Variants in PTPRJ observed in about 807,000 individuals in gnomAD.
The protein encoded by PTPRJ is receptor-type tyrosine-protein phosphatase eta.
A neutral mutation model predicts 141.3 loss-of-function variants in PTPRJ; 129 were observed. That is an observed-to-expected ratio of 0.91 (90% CI 0.79 to 1.06). The LOEUF (loss-of-function observed/expected upper bound fraction) is 1.06. Among genes scored for constraint, PTPRJ ranks in the 50% least tolerant of loss-of-function variants. The probability of loss-of-function intolerance (pLI) is 0.00; values close to 1 mark genes in which losing one functional copy is unlikely to be tolerated. For missense variants in PTPRJ, 1,601 were observed against 1,679.7 expected, an observed-to-expected ratio of 0.95 and a Z score of 0.82; for synonymous variants, 610 against 640.5, an observed-to-expected ratio of 0.95 and a Z score of 0.72.
intron 8 of PTPRJ, among the ~76,000 whole-genome samples, chr11:48,134,729 A>G (rs1857048752): frequency 6.6e-6 from 1 of 152,176 alleles, no homozygotes; most frequent in South Asian, 2.1e-4. Flanking sequence ...AAATAGGCCC[A>G]GCCTCCGCGG....
intron 1 of PTPRJ, among the ~76,000 whole-genome samples, chr11:48,049,361 T>C (rs766009734): frequency 1.3e-4 from 20 of 150,862 alleles, no homozygotes; most frequent in Non-Finnish European, 2.7e-4. Flanking sequence ...TACGTGGAGA[T>C]GGAGAAAGGT....
intron 6 of PTPRJ, among the ~76,000 whole-genome samples, chr11:48,126,949 C>G (rs1856852008): frequency 6.6e-6 from 1 of 152,210 alleles, no homozygotes; most frequent in African/African-American, 2.4e-5. Flanking sequence ...AAAGCCACCT[C>G]TAGGGCTGAA....
At chr11:48,116,565 A>G (rs1201086983) in intron 3 of PTPRJ, among the ~76,000 whole-genome samples, 2 of 152,236 alleles carry the variant, frequency 1.3e-5, no homozygotes, top group Non-Finnish European at 2.9e-5. Context: ...TACAGTTTAG[A>G]CCAAATGGAT....
chr11:48,034,405 C>T (rs1314568878), intron 1 of PTPRJ, among the ~76,000 whole-genome samples: 2 of 151,768 alleles, frequency 1.3e-5, no homozygotes, highest in Non-Finnish European at 2.9e-5. Context: ...TCTTGGGTTT[C>T]CATTAGAAGA....
chr11:47,993,508 G>A (rs1473181866), intron 1 of PTPRJ, among the ~76,000 whole-genome samples: 2 of 152,056 alleles, frequency 1.3e-5, no homozygotes, highest in African/African-American at 4.8e-5. Flanking sequence ...GGCCAGGCTG[G>A]TGTTGAACTC....
At chr11:48,102,822 C>T (rs899073505) in intron 1 of PTPRJ, among the ~76,000 whole-genome samples, 7 of 152,074 alleles carry the variant, frequency 4.6e-5, no homozygotes, top group Admixed American at 4.6e-4. Context: ...ATTTAGGACC[C>T]CCAGATTTAT....
At chr11:48,153,433 C>G (rs915916012) in intron 18 of PTPRJ, among the ~76,000 whole-genome samples, 18 of 130,740 alleles carry the variant, frequency 1.4e-4, no homozygotes, top group African/African-American at 5.2e-4. Context: ...ACTCGGGAGG[C>G]TGAGGCAGGA....
chr11:48,109,960 C>T, intron 1 of PTPRJ, 98 bp from the exon 2 acceptor site: 1 of 1,367,596 alleles, frequency 7.3e-7, no homozygotes, highest in Non-Finnish European at 1.0e-6. Context: ...TTCTTACCAC[C>T]CCACCCCCAT....
intron 1 of PTPRJ, among the ~76,000 whole-genome samples, chr11:48,020,041 G>C (rs1397239834): frequency 2.0e-5 from 3 of 152,250 alleles, no homozygotes; most frequent in Middle Eastern, 3.4e-3. Flanking sequence ...TGAGATCCCT[G>C]TTTCTATGCT....
At chr11:48,127,427 G>A (rs11039533) in intron 6 of PTPRJ, among the ~76,000 whole-genome samples, 1 of 152,300 alleles carries the variant, frequency 6.6e-6, no homozygotes, top group East Asian at 1.9e-4. Context: ...ATAGATCGCA[G>A]TGTTCGCTCT....
At chr11:48,102,976 G>C (rs1358627141) in intron 1 of PTPRJ, among the ~76,000 whole-genome samples, 1 of 152,108 alleles carries the variant, frequency 6.6e-6, no homozygotes, top group East Asian at 1.9e-4. Context: ...TGAGTTGCTA[G>C]ACCATTCTGG....
chr11:48,073,426 C>T (rs991750564), intron 1 of PTPRJ, among the ~76,000 whole-genome samples: 1 of 152,244 alleles, frequency 6.6e-6, no homozygotes, highest in Non-Finnish European at 1.5e-5. Flanking sequence ...TTCCCATGAA[C>T]TGCTTACCTC....
intron 1 of PTPRJ, chr11:48,046,249 T>C (rs1476937838): frequency 6.6e-6 from 1 of 152,170 alleles, no homozygotes; most frequent in Non-Finnish European, 1.5e-5. Context: ...GGTTTTGCCA[T>C]GTTGCCCATG....
rs150197673 is a variant in PTPRJ at position 48,125,169 on chromosome 11, C to A, written c.1076C>A (p.Ala359Asp). 1 of 1,614,056 alleles carries A rather than the reference C, an allele frequency of 6.2e-7. No homozygotes were observed. The highest frequency in any genetic ancestry group is 8.5e-7 in the Non-Finnish European group (1 of 1,180,020). Reference sequence around the variant, plus strand: ...AATGGCACAGAAGGACAGCCCCAGGCCATAGAGTTCAGGACAAGTAGGTTG... The same window carrying A: ...AATGGCACAGAAGGACAGCCCCAGGACATAGAGTTCAGGACAAGTAGGTTG... The part of the protein sequence containing the change: ...AANGTEGQPQ[A>D]IEFRTNAIQV... The change falls in exon 6 of 25, where the codon GCC (alanine) becomes GAC (aspartate). Residue 359 changes from alanine to aspartate, a missense_variant. Transcript: ENST00000418331.
chr11:47,987,771 G>T (rs1156722180), intron 1 of PTPRJ, among the ~76,000 whole-genome samples: 2 of 152,180 alleles, frequency 1.3e-5, no homozygotes, highest in African/African-American at 4.8e-5. Context: ...GACAGGGGCT[G>T]TAGGAAGTTT....
intron 1 of PTPRJ, among the ~76,000 whole-genome samples, chr11:48,104,264 G>T (rs372074819): frequency 3.9e-5 from 6 of 152,250 alleles, no homozygotes; most frequent in African/African-American, 1.4e-4. Flanking sequence ...TTCAGTGGGA[G>T]GGCCCACCCA....
At chr11:48,043,742 T>TG (rs1165477209) in intron 1 of PTPRJ, among the ~76,000 whole-genome samples, 21 of 151,502 alleles carry the variant, frequency 1.4e-4, no homozygotes, top group African/African-American at 5.1e-4. Flanking sequence ...GTCTGTGGGG[T>TG]GGGGGTCTCT....
At chr11:48,068,511 G>GT (rs1195437086) in intron 1 of PTPRJ, among the ~76,000 whole-genome samples, 1 of 152,100 alleles carries the variant, frequency 6.6e-6, no homozygotes, top group East Asian at 1.9e-4. Context: ...CCCTTCCACC[G>GT]TGATTGTGAG....
intron 1 of PTPRJ, among the ~76,000 whole-genome samples, chr11:48,032,799 T>C (rs944742857): frequency 6.6e-6 from 1 of 152,170 alleles, no homozygotes; most frequent in Non-Finnish European, 1.5e-5. Context: ...CCAAATCTAA[T>C]TCATTCATTC....
Sources: allele counts gnomAD v4.1 joint callset (sites outside exome capture counted in the v4.1 genomes callset), GRCh38; gene constraint gnomAD v4.1.1; transcripts MANE v1.5; gene names NCBI Gene and HGNC (gene_info 2026-07-23, HGNC 2026-07-21).